PCDHA8: variants seen among roughly 807,000 people sequenced by gnomAD.
PCDHA8 encodes protocadherin alpha-8.
PCDHA8 carries 53 observed loss-of-function variants against 61.8 expected under a neutral mutation model. The observed-to-expected ratio is 0.86, with a 90% CI of 0.69 to 1.08. PCDHA8 has a LOEUF of 1.08. Ranked by LOEUF, PCDHA8 falls within the 50% of genes least tolerant of loss-of-function variation. The probability of loss-of-function intolerance (pLI) is 0.00; values close to 1 mark genes in which losing one functional copy is unlikely to be tolerated. For synonymous variants in PCDHA8, 618 were observed against 556.6 expected (o/e 1.11, Z -1.55); for missense variants, 1,293 against 1,245.0 (o/e 1.04, Z -0.58).
At chr5:140,876,217 G>A (rs976376933) in intron 1 of PCDHA8, 1 of 1,614,006 alleles carries the variant, frequency 6.2e-7, no homozygotes. Flanking sequence ...CAGCTATAAA[G>A]TAGTGTTGTC....
intron 1 of PCDHA8, chr5:140,849,501 C>T (rs251354): frequency 6.4e-7 from 1 of 1,571,602 alleles, no homozygotes; most frequent in African/African-American, 1.4e-5. Flanking sequence ...TCATTGTACA[C>T]TTCTTGTGGA....
intron 1 of PCDHA8, chr5:140,875,529 G>A: frequency 1.2e-6 from 2 of 1,614,112 alleles, no homozygotes; most frequent in South Asian, 1.1e-5. Context: ...TCTCGCTTCT[G>A]CTCCTTGCAG....
intron 3 of PCDHA8, among the ~76,000 whole-genome samples, chr5:141,007,029 T>C (rs2098299696): frequency 6.6e-6 from 1 of 152,154 alleles, no homozygotes; most frequent in Non-Finnish European, 1.5e-5. Context: ...ATATGGTATT[T>C]ATATCTATGG....
chr5:140,965,954 C>A lies in PCDHA8; in HGVS notation c.2395-12995C>A, dbSNP rs567785452. Among the ~76,000 whole-genome samples the A allele has an allele frequency of 9.8e-4, 149 of 152,300 alleles. 1 individual carries two copies. The highest frequency in any genetic ancestry group is 1.7e-3 in the Non-Finnish European group (115 of 68,034). The stretch of plus-strand genomic sequence containing the variant: ...GGAAAGAGGGCAGCATTTGCCATCC[C>A]CCTCCTTTTGCCCTAGGAGTTGAGC... On this transcript the variant is annotated intron_variant, in intron 1 of 3. Coordinates refer to ENST00000531613, the MANE Select transcript of PCDHA8 (RefSeq NM_018911.3).
intron 1 of PCDHA8, among the ~76,000 whole-genome samples, chr5:140,940,389 AT>A (rs2092602183): frequency 1.3e-5 from 2 of 151,932 alleles, no homozygotes; most frequent in Admixed American, 6.6e-5. Flanking sequence ...AATTTTGGTT[AT>A]TGTGTTTTTC....
chr5:140,923,183 C>G (rs2081208346), intron 1 of PCDHA8, among the ~76,000 whole-genome samples: 2 of 152,206 alleles, frequency 1.3e-5, no homozygotes, highest in South Asian at 4.1e-4. Context: ...TCAGATGCAT[C>G]TACTGCAGCA....
At chr5:140,978,913 T>C in intron 1 of PCDHA8, 36 bp from the exon 2 acceptor site, 1 of 1,613,902 alleles carries the variant, frequency 6.2e-7, no homozygotes, top group Non-Finnish European at 8.5e-7. Flanking sequence ...CATTGTCTTG[T>C]CATTTTAACA....
chr5:140,863,407 C>A (rs1343146552), intron 1 of PCDHA8: 4 of 788,794 alleles, frequency 5.1e-6, no homozygotes, highest in African/African-American at 1.7e-5. Flanking sequence ...CAAGCCCACG[C>A]TGGTGTACCG....
rs2086150778 is a variant in PCDHA8, at chr5:140,929,428, G to C, written c.2395-49521G>C. ...AGCCTTTCACAACATTTCATCAATT[G>C]AACTAAACACTCCTTCTTAGCACTT... On this transcript the variant is annotated intron_variant, in intron 1 of 3. Coordinates refer to ENST00000531613, the MANE Select transcript of PCDHA8 (RefSeq NM_018911.3). 4 of 1,491,484 alleles carry C rather than the reference G, an allele frequency of 2.7e-6. No homozygotes were observed. The East Asian group carries it at 6.9e-5, about 26-fold the overall frequency. 92.4% of individuals were successfully genotyped at this position (1,491,484 alleles called of 1,614,324 possible). A position where few individuals can be genotyped will look rare whatever the true frequency, so the allele number is the denominator to read the frequency against.
At chr5:140,936,833 A>G (rs186890408) in intron 1 of PCDHA8, among the ~76,000 whole-genome samples, 1 of 152,276 alleles carries the variant, frequency 6.6e-6, no homozygotes, top group East Asian at 1.9e-4. Context: ...GCATTTCTAT[A>G]TAAATTGTAG....
chr5:140,982,666 T>G (rs2096995489), intron 3 of PCDHA8, 103 bp downstream of exon 3: 4 of 1,467,448 alleles, frequency 2.7e-6, no homozygotes. Context: ...TTCTTTTATA[T>G]TTTTGTTATT....
At chr5:140,944,290 C>T (rs912018562) in intron 1 of PCDHA8, among the ~76,000 whole-genome samples, 8 of 152,124 alleles carry the variant, frequency 5.3e-5, no homozygotes, top group African/African-American at 9.7e-5. Flanking sequence ...CGGGCTCAAG[C>T]GATCCTCCTA....
intron 1 of PCDHA8, among the ~76,000 whole-genome samples, chr5:140,846,106 A>G (rs1477023892): frequency 7.3e-5 from 11 of 149,704 alleles, no homozygotes; most frequent in African/African-American, 2.7e-4. Flanking sequence ...GAATGTGTAG[A>G]CTATCTTACT....
At chr5:140,968,229 TC>T in intron 1 of PCDHA8, 2 of 1,613,970 alleles carry the variant, frequency 1.2e-6, no homozygotes, top group Non-Finnish European at 1.7e-6. Flanking sequence ...GGTGTGTTGC[TC>T]TGTACTGTGC....
intron 1 of PCDHA8, among the ~76,000 whole-genome samples, chr5:140,918,556 G>A (rs1584104800): frequency 2.0e-5 from 3 of 152,302 alleles, no homozygotes; most frequent in Non-Finnish European, 4.4e-5. Context: ...CAATTGAGAA[G>A]AATGTATATT....
chr5:140,987,407 T>C (rs1301920693), intron 3 of PCDHA8, among the ~76,000 whole-genome samples: 3 of 152,148 alleles, frequency 2.0e-5, no homozygotes, highest in Non-Finnish European at 4.4e-5. Flanking sequence ...CATCTGTTTA[T>C]GGTTCTTGTG....
chr5:140,862,675 G>C, intron 1 of PCDHA8: 1 of 550,422 alleles, frequency 1.8e-6, no homozygotes, highest in Non-Finnish European at 3.6e-6. Context: ...GCAGGAGAAC[G>C]TGCTGGTGTC....
At chr5:141,005,114 G>A (rs2098198000) in intron 3 of PCDHA8, among the ~76,000 whole-genome samples, 2 of 152,042 alleles carry the variant, frequency 1.3e-5, no homozygotes, top group African/African-American at 2.4e-5. Flanking sequence ...TTGTCTTTAG[G>A]GACCCCAAAA....
At chr5:140,869,868 T>A (rs782375084) in intron 1 of PCDHA8, 2 of 1,610,492 alleles carry the variant, frequency 1.2e-6, no homozygotes, top group African/African-American at 2.7e-5. Context: ...TGGAAAATGC[T>A]GCTAAAGAAA....
Sources: gnomAD v4.1 joint callset for allele counts (sites outside exome capture counted in the v4.1 genomes callset) on GRCh38, gnomAD v4.1.1 for gene constraint, MANE v1.5 for transcripts, NCBI Gene and HGNC (gene_info 2026-07-23, HGNC 2026-07-21) for gene names.